FPR1: variants seen among roughly 807,000 people sequenced by gnomAD.
FPR1 encodes the protein formyl peptide receptor 1, also known as N-formyl peptide receptor 1.
For missense variants in FPR1, 407 were observed against 453.0 expected, an observed-to-expected ratio of 0.90 and a Z score of 0.92; for synonymous variants, 193 against 176.7, an observed-to-expected ratio of 1.09 and a Z score of -0.73.
Position 51,746,381 on chromosome 19 carries a change from C to A in FPR1, c.614G>T (p.Arg205Leu). 1 of 1,614,098 alleles carries A rather than the reference C, an allele frequency of 6.2e-7. No homozygotes were observed. The highest frequency in any genetic ancestry group is 8.5e-7 in the Non-Finnish European group (1 of 1,180,022). The stretch of plus-strand genomic sequence containing the variant: ...GGGTGCGCTGAAGCCAATGATGAAC[C>A]GGATGATGCCTCTCACCGTCAACAT... ...VAMLTVRGII[R>L]FIIGFSAPMS... Residue 205 changes from arginine to leucine, a missense_variant, in exon 2 of 2, where the codon CGG (arginine) becomes CTG (leucine). Transcript: ENST00000304748. The surrounding 1 kb of genome is among the most constrained non-coding windows in gnomAD (Gnocchi z 4.3).
rs758884060 is a variant in FPR1 at position 51,745,949 on chromosome 19, G to T, written c.1046C>A (p.Ala349Glu). ...TGTCCCCCAGCTCCCTCCTCACTTTGCCTGTAACTCCACCTCTGCAGAAGG... is the reference window on the plus strand; with the variant it reads ...TGTCCCCCAGCTCCCTCCTCACTTTTCCTGTAACTCCACCTCTGCAGAAGG... ...TLPSAEVELQ[A>E]K Residue 349 changes from alanine to glutamate, a missense_variant, in exon 2 of 2, where the codon GCA becomes GAA. Physicochemically the swap from Ala to Glu is moderately radical, Grantham distance 107. Coordinates refer to ENST00000304748, the MANE Select transcript of FPR1 (RefSeq NM_002029.4). The T allele has an allele frequency of 6.2e-7, 1 of 1,607,918 alleles. No homozygotes were observed. Among genetic ancestry groups the T allele is most frequent in the East Asian group, 2.2e-5 (1 of 44,666 alleles).
At chr19:51,747,870 G>T (rs1410121305) in intron 1 of FPR1, among the ~76,000 whole-genome samples, 2 of 152,194 alleles carry the variant, frequency 1.3e-5, no homozygotes, top group Non-Finnish European at 2.9e-5. Flanking sequence ...TGGATGTGGT[G>T]GTTCACGCCT....
Position 51,746,794 on chromosome 19 carries a change from C to T in FPR1, c.201G>A (p.Leu67=). The T allele has an allele frequency of 6.2e-7, 1 of 1,614,098 alleles. No individual in the cohort carries two copies. The highest frequency in any genetic ancestry group is 1.1e-5 in the South Asian group (1 of 91,076). Residue 67 remains leucine (L), a synonymous_variant, in exon 2 of 2, where the codon CTG becomes CTA. Transcript: ENST00000304748. The surrounding 1 kb of genome is among the most constrained non-coding windows in gnomAD (Gnocchi z 4.3). ...AGGTGAAACAGAAGTCAGCCACGGC[C>T]AGGTTCAGGTAACTGATGGTGGTGA... ...HTVTTISYLN[L]AVADFCFTST... is the part of the protein sequence containing the mutation.
Position 51,746,620 on chromosome 19 carries a change from AAC to A in FPR1, c.373_374del (p.Val125LeufsTer45), listed in dbSNP as rs764598916. On this transcript the variant is annotated frameshift_variant, in exon 2 of 2. Transcript: ENST00000304748. LOFTEE classifies it low-confidence loss of function (END_TRUNC). This position sits in a 1 kb window ranked among gnomAD's most constrained non-coding sequence, Gnocchi z 4.3. ...GGGTCCAGACTGGATGCAGGACGCA[AAC>A]ACAGCGGTCCAGAGCAATGAGGGCG... ...LIALIALDRC[V>X]CVLHPVWTQN... 1.2e-6 allele frequency: 2 copies of A among 1,614,052 alleles called. No homozygotes were observed. The highest frequency in any genetic ancestry group is 1.7e-6 in the Non-Finnish European group (2 of 1,180,038).
At chr19:51,747,819 G>A (rs1181665200) in intron 1 of FPR1, among the ~76,000 whole-genome samples, 2 of 152,110 alleles carry the variant, frequency 1.3e-5, no homozygotes, top group African/African-American at 2.4e-5. Context: ...ATGCTACAAC[G>A]TGGCTGAACC....
chr19:51,746,850 A>G lies in FPR1; in HGVS notation c.145T>C (p.Trp49Arg). The change falls in exon 2 of 2, where the codon TGG (tryptophan) becomes CGG (arginine). Residue 49 changes from tryptophan (W) to arginine (R), a missense_variant. Physicochemically the swap from Trp to Arg is moderately radical, Grantham distance 101. Transcript: ENST00000304748. The surrounding 1 kb of genome is among the most constrained non-coding windows in gnomAD (Gnocchi z 4.3). ...TGTGTCATCCGGAATCCAGCCACCC[A>G]GATCACAAGCCCGTTGCCCAGGACC... is the stretch of plus-strand genomic sequence containing the variant. ...LGVLGNGLVIWVAGFRMTHTV... is the reference protein window; with the variant it reads ...LGVLGNGLVIRVAGFRMTHTV... 6.2e-7 allele frequency: 1 copy of G among 1,614,184 alleles called. No homozygotes were observed. Among genetic ancestry groups the G allele is most frequent in the Non-Finnish European group, 8.5e-7 (1 of 1,180,040 alleles).
chr19:51,746,219 A>G lies in FPR1; in HGVS notation c.776T>C (p.Val259Ala), dbSNP rs1256741080. 6.2e-7 allele frequency: 1 copy of G among 1,614,174 alleles called. No homozygotes were observed. The highest frequency in any genetic ancestry group is 2.2e-5 in the East Asian group (1 of 44,878). Residue 259 changes from valine (V) to alanine (A), a missense_variant, in exon 2 of 2, where the codon GTG (valine) becomes GCG (alanine). Val to Ala is a moderately conservative substitution (Grantham distance 64). Transcript: ENST00000304748. The surrounding 1 kb of genome is among the most constrained non-coding windows in gnomAD (Gnocchi z 4.3). ...AFFLCWSPYQ[V>A]VALIATVRIR... Reference sequence around the variant, plus strand: ...TCTGACTGTGGCTATAAGGGCCACCACCTGATATGGGGACCAGCAGAGAAA... The same window carrying G: ...TCTGACTGTGGCTATAAGGGCCACCGCCTGATATGGGGACCAGCAGAGAAA...
chr19:51,750,275 C>G (rs1337470131), intron 1 of FPR1: 1 of 152,062 alleles, frequency 6.6e-6, no homozygotes, highest in Non-Finnish European at 1.5e-5. Context: ...AAATACCCAT[C>G]AGATTTCAAA....
In FPR1 at chr19:51,746,559, T is replaced by A. The variant is rs756459168; in HGVS notation, c.436A>T (p.Ile146Phe). The change falls in exon 2 of 2, where the codon ATC becomes TTC. Residue 146 changes from isoleucine (I) to phenylalanine (F), a missense_variant. By Grantham distance (21) the Ile-to-Phe change is conservative. Coordinates refer to ENST00000304748, the MANE Select transcript of FPR1 (RefSeq NM_002029.4). This position sits in a 1 kb window ranked among gnomAD's most constrained non-coding sequence, Gnocchi z 4.3. ...AGAGCCATCACCCAGGGCCCAATGA[T>A]CACCTTCTTGGCCAGGCTCACGGTG... The part of the protein sequence containing the change: ...HRTVSLAKKV[I>F]IGPWVMALLL... 6.2e-7 allele frequency: 1 copy of A among 1,614,064 alleles called. No homozygotes were observed. Among genetic ancestry groups the A allele is most frequent in the Non-Finnish European group, 8.5e-7 (1 of 1,179,956 alleles).
rs2083750607 is a variant in FPR1, at chr19:51,746,810, ATGG to A, written c.182_184del (p.Thr61del). The A allele has an allele frequency of 6.2e-7, 1 of 1,614,154 alleles. No homozygotes were observed. The highest frequency in any genetic ancestry group is 1.3e-5 in the African/African-American group (1 of 75,032). The stretch of plus-strand genomic sequence containing the variant: ...AGCCACGGCCAGGTTCAGGTAACTG[ATGG>A]TGGTGACTGTGTGTGTCATCCGGAA... On this transcript the variant is annotated inframe_deletion, in exon 2 of 2. Transcript: ENST00000304748. This position sits in a 1 kb window ranked among gnomAD's most constrained non-coding sequence, Gnocchi z 4.3.
intron 1 of FPR1, among the ~76,000 whole-genome samples, chr19:51,748,050 GGGTGAGATGGGA>G: frequency 6.6e-6 from 1 of 152,328 alleles, no homozygotes; most frequent in East Asian, 1.9e-4. Context: ...CTACTCAGAA[GGGTGAGATGGGA>G]GGCTCACTTG....
At position 51,745,818 on chromosome 19, in the gene FPR1, CTTTTT is replaced by C; in HGVS notation, c.*119_*123del. The C allele has an allele frequency of 1.1e-5, 7 of 626,386 alleles. No homozygotes were observed. The highest frequency in any genetic ancestry group is 1.6e-5 in the Non-Finnish European group (6 of 366,160). The allele number at this position is 626,386 out of a possible 1,614,324, so 38.8% of individuals were successfully genotyped here. On this transcript the variant is annotated 3_prime_UTR_variant, in exon 2 of 2. Coordinates refer to ENST00000304748, the MANE Select transcript of FPR1 (RefSeq NM_002029.4). Reference sequence around the variant, plus strand: ...CTCCCCAAATCAGGGGACACAAAGGCTTTTTTTTTTTTTTCTGATGAGTGGGTAAT... The same window carrying C: ...CTCCCCAAATCAGGGGACACAAAGGCTTTTTTTTTCTGATGAGTGGGTAAT...
rs1205617235 is a variant in FPR1 at position 51,746,832 on chromosome 19, T to C, written c.163A>G (p.Met55Val). The change falls in exon 2 of 2, where the codon ATG becomes GTG. Residue 55 changes from methionine to valine, a missense_variant. Transcript: ENST00000304748. The surrounding 1 kb of genome is among the most constrained non-coding windows in gnomAD (Gnocchi z 4.3). ...GLVIWVAGFR[M>V]THTVTTISYL... The stretch of plus-strand genomic sequence containing the variant: ...CTGATGGTGGTGACTGTGTGTGTCA[T>C]CCGGAATCCAGCCACCCAGATCACA... The C allele has an allele frequency of 1.2e-6, 2 of 1,614,012 alleles. No homozygotes were observed. Among genetic ancestry groups the C allele is most frequent in the Non-Finnish European group, 1.7e-6 (2 of 1,180,008 alleles).
chr19:51,746,718 A>G lies in FPR1; in HGVS notation c.277T>C (p.Phe93Leu). The G allele has an allele frequency of 1.2e-6, 2 of 1,614,158 alleles. No individual in the cohort carries two copies. Among genetic ancestry groups the G allele is most frequent in the Non-Finnish European group, 1.7e-6 (2 of 1,180,020 alleles). ...VRKAMGGHWP[F>L]GWFLCKFVFT... ...ACGAATTTGCACAGGAACCAGCCGA[A>G]AGGCCAATGTCCTCCCATGGCCTTC... Residue 93 changes from phenylalanine (F) to leucine (L), a missense_variant, in exon 2 of 2, where the codon TTC becomes CTC. Phe to Leu is a conservative substitution (Grantham distance 22). Coordinates refer to ENST00000304748, the MANE Select transcript of FPR1 (RefSeq NM_002029.4). This position sits in a 1 kb window ranked among gnomAD's most constrained non-coding sequence, Gnocchi z 4.3.
intron 1 of FPR1, among the ~76,000 whole-genome samples, chr19:51,749,228 A>T (rs1025205282): frequency 1.8e-4 from 26 of 147,380 alleles, no homozygotes; most frequent in Non-Finnish European, 3.5e-4. Context: ...AAAAAAAAAA[A>T]GATATGCAAC....
chr19:51,751,006 C>T (rs2083777318), intron 1 of FPR1, among the ~76,000 whole-genome samples: 1 of 152,164 alleles, frequency 6.6e-6, no homozygotes, highest in Non-Finnish European at 1.5e-5. Flanking sequence ...GTGACTGCTT[C>T]TGTATTACAC....
At chr19:51,749,711 G>C (rs565832229) in intron 1 of FPR1, among the ~76,000 whole-genome samples, 5 of 151,736 alleles carry the variant, frequency 3.3e-5, no homozygotes, top group African/African-American at 1.2e-4. Context: ...ACCCAGGCTG[G>C]AGTGCAGTGG....
At position 51,746,615 on chromosome 19, in the gene FPR1, A is replaced by G. The variant is rs1325987699; in HGVS notation, c.380T>C (p.Val127Ala). ...ALIALDRCVC[V>A]LHPVWTQNHR... ...GTTCTGGGTCCAGACTGGATGCAGG[A>G]CGCAAACACAGCGGTCCAGAGCAAT... The change falls in exon 2 of 2, where the codon GTC (valine) becomes GCC (alanine). Residue 127 changes from valine to alanine, a missense_variant. Transcript: ENST00000304748. This position sits in a 1 kb window ranked among gnomAD's most constrained non-coding sequence, Gnocchi z 4.3. 3 of 1,614,172 alleles carry G rather than the reference A, an allele frequency of 1.9e-6. No individual in the cohort carries two copies. The highest frequency in any genetic ancestry group is 4.5e-5 in the East Asian group (2 of 44,890).
intron 1 of FPR1, among the ~76,000 whole-genome samples, chr19:51,751,045 G>A (rs771945615): frequency 1.3e-4 from 20 of 152,082 alleles, no homozygotes; most frequent in African/African-American, 3.6e-4. Flanking sequence ...TCATAAAGTC[G>A]TTAGGGCTCT....
Sources: gnomAD v4.1 joint callset for allele counts (sites outside exome capture counted in the v4.1 genomes callset) on GRCh38, gnomAD v4.1.1 for gene constraint, Gnocchi (gnomAD v3.1) non-coding constraint, MANE v1.5 for transcripts, NCBI Gene and HGNC (gene_info 2026-07-23, HGNC 2026-07-21) for gene names.